Variants in SRRT observed in about 807,000 individuals in gnomAD.
SRRT encodes serrate RNA effector molecule homolog.
SRRT carries 32 observed loss-of-function variants against 103.2 expected under a neutral mutation model. The observed-to-expected ratio is 0.31, with a 90% CI of 0.23 to 0.42. The LOEUF (loss-of-function observed/expected upper bound fraction) is 0.42. Among genes scored for constraint, SRRT ranks in the 10% least tolerant of loss-of-function variants. The probability of loss-of-function intolerance (pLI) is 1.00; values close to 1 mark genes in which losing one functional copy is unlikely to be tolerated. For synonymous variants in SRRT, 525 were observed against 449.0 expected (o/e 1.17, Z -2.14); for missense variants, 986 against 1,207.5 (o/e 0.82, Z 2.72).
At position 100,888,561 on chromosome 7, in the gene SRRT, T is replaced by C; in HGVS notation, c.*12T>C. On this transcript the variant is annotated 3_prime_UTR_variant, in exon 20 of 20. Coordinates refer to ENST00000611405, the MANE Select transcript of SRRT (RefSeq NM_015908.6). ...TTGATTTCTTTTGAGCCGTCCCCCGTTCCTCAGTCCTGTATCATCCATACT... is the reference window on the plus strand; with the variant it reads ...TTGATTTCTTTTGAGCCGTCCCCCGCTCCTCAGTCCTGTATCATCCATACT... 2 of 1,614,102 alleles carry C rather than the reference T, an allele frequency of 1.2e-6. No homozygotes were observed. Among genetic ancestry groups the C allele is most frequent in the Non-Finnish European group, 1.7e-6 (2 of 1,179,966 alleles).
intron 2 of SRRT, among the ~76,000 whole-genome samples, chr7:100,879,146 G>A (rs904316675): frequency 1.8e-4 from 28 of 152,134 alleles, no homozygotes; most frequent in African/African-American, 6.8e-4. Flanking sequence ...AGCAGAGACA[G>A]GGTTTTGCCA....
chr7:100,884,018 G>C, intron 5 of SRRT, 52 bp from the exon 6 acceptor site: 1 of 1,523,890 alleles, frequency 6.6e-7, no homozygotes, highest in Non-Finnish European at 8.8e-7. Context: ...CCACATCCTG[G>C]CCTTGGCTTC....
rs1426783691 is a variant in SRRT at position 100,886,236 on chromosome 7, C to G, written c.1459-11C>G. On this transcript the variant is annotated splice_polypyrimidine_tract_variant and intron_variant, in intron 12 of 19. Coordinates refer to ENST00000611405, the MANE Select transcript of SRRT (RefSeq NM_015908.6). The stretch of plus-strand genomic sequence containing the variant: ...AAGTGGGGTAAGCTGCTGATGATGT[C>G]TGCCCTCCAGCTCCGGGAGTGTGAG... 1 of 1,607,494 alleles carries G rather than the reference C, an allele frequency of 6.2e-7. No individual in the cohort carries two copies. The highest frequency in any genetic ancestry group is 1.1e-5 in the South Asian group (1 of 90,594).
At position 100,885,792 on chromosome 7, in the gene SRRT, G is replaced by C. The variant is rs199885590; in HGVS notation, c.1379+30G>C. On this transcript the variant is annotated intron_variant, in intron 11 of 19. Coordinates refer to ENST00000611405, the MANE Select transcript of SRRT (RefSeq NM_015908.6). This position sits in a 1 kb window ranked among gnomAD's most constrained non-coding sequence, Gnocchi z 4.8. Reference sequence around the variant, plus strand: ...GTAACTCGGTGCGTTGGAGGGAAAAGTGCAGGGGAACGTTAATGGCCAACA... The same window carrying C: ...GTAACTCGGTGCGTTGGAGGGAAAACTGCAGGGGAACGTTAATGGCCAACA... 1.2e-4 allele frequency: 199 copies of C among 1,614,032 alleles called. 1 individual carries two copies. In the African/African-American group the frequency reaches 2.5e-3, roughly 20 times the overall value.
At chr7:100,878,928 CCTTTCTTTCTTTTTCTTTCTTTT>C (rs1816018026) in intron 2 of SRRT, among the ~76,000 whole-genome samples, 2 of 150,848 alleles carry the variant, frequency 1.3e-5, no homozygotes, top group Admixed American at 6.9e-5. Context: ...TCTTTTCCTT[CCTTTCTTTCTTTTTCTTTCTTTT>C]CTTTCTTTCT....
chr7:100,885,016 G>C lies in SRRT; in HGVS notation c.1135G>C (p.Ala379Pro). Residue 379 changes from alanine (A) to proline (P), a missense_variant, in exon 9 of 20, where the codon GCT (alanine) becomes CCT (proline). Ala to Pro is a conservative substitution (Grantham distance 27). Around this residue, in one of 6 missense-constraint regions of SRRT, gnomAD observed 166 missense variants for 148.6 expected, o/e 1.12. Transcript: ENST00000611405. This position sits in a 1 kb window ranked among gnomAD's most constrained non-coding sequence, Gnocchi z 4.8. ...ESESESESGQ[A>P]EEEKEEAEEA... The stretch of plus-strand genomic sequence containing the variant: ...TGAGTCGGAGTCAGAGAGCGGCCAG[G>C]CTGAGGAGGAGAAGGAGGAGGCCGG... 6.2e-7 allele frequency: 1 copy of C among 1,614,034 alleles called. No homozygotes were observed. Among genetic ancestry groups the C allele is most frequent in the South Asian group, 1.1e-5 (1 of 91,076 alleles).
At position 100,888,178 on chromosome 7, in the gene SRRT, G is replaced by A. The variant is rs764982562; in HGVS notation, c.2428+35G>A. On this transcript the variant is annotated intron_variant, in intron 18 of 19. Transcript: ENST00000611405. ...GGAGGGAGATGAAGGGGCTTGGTGA[G>A]TGTGTGGCTTTGGGAGAAGAAAACA... The A allele has an allele frequency of 1.9e-6, 3 of 1,602,544 alleles. No homozygotes were observed. In the South Asian group the frequency reaches 3.3e-5, roughly 18 times the overall value.
rs201913799 is a variant in SRRT, at chr7:100,875,728, C to T, written c.122+16C>T. 3.1e-6 allele frequency: 5 copies of T among 1,613,114 alleles called. No homozygotes were observed. In the East Asian group the frequency reaches 8.9e-5, roughly 29 times the overall value. Reference sequence around the variant, plus strand: ...GGAATGACAGGTGAGCCGTTTTTAACTTCATCTTGTCCCCGTTTCATGCCG... The same window carrying T: ...GGAATGACAGGTGAGCCGTTTTTAATTTCATCTTGTCCCCGTTTCATGCCG... On this transcript the variant is annotated intron_variant, in intron 2 of 19. Transcript: ENST00000611405.
chr7:100,887,183 G>C lies in SRRT; in HGVS notation c.1958G>C (p.Arg653Pro). Residue 653 changes from arginine (R) to proline (P), a missense_variant, in exon 15 of 20, where the codon CGC (arginine) becomes CCC (proline). Around this residue, in one of 6 missense-constraint regions of SRRT, gnomAD observed 349 missense variants for 446.9 expected, o/e 0.78. Transcript: ENST00000611405. The surrounding 1 kb of genome is among the most constrained non-coding windows in gnomAD (Gnocchi z 4.1). ...IHVRGPMPPN[R>P]ISHGEVLEWQ... ...GTTCGGGGGCCCATGCCACCCAACCGCATCAGTCACGGGGAAGGTGAGCTC... is the reference window on the plus strand; with the variant it reads ...GTTCGGGGGCCCATGCCACCCAACCCCATCAGTCACGGGGAAGGTGAGCTC... 2 of 1,614,128 alleles carry C rather than the reference G, an allele frequency of 1.2e-6. No homozygotes were observed. Among genetic ancestry groups the C allele is most frequent in the Non-Finnish European group, 1.7e-6 (2 of 1,180,020 alleles).
chr7:100,877,194 G>T (rs555470913), intron 2 of SRRT, among the ~76,000 whole-genome samples: 1 of 151,262 alleles, frequency 6.6e-6, no homozygotes, highest in Non-Finnish European at 1.5e-5. Context: ...AGGCCGAGAC[G>T]GGCAGATCAC....
intron 2 of SRRT, among the ~76,000 whole-genome samples, chr7:100,876,491 C>G (rs1485931242): frequency 6.6e-6 from 1 of 152,024 alleles, no homozygotes; most frequent in East Asian, 1.9e-4. Flanking sequence ...CTCTGTTGCC[C>G]AGGTTGTAAA....
rs1448410132 is a variant in SRRT, at chr7:100,882,308, A to T, written c.587+67A>T. ...CCCCTGGCCCCGCTGGTGGAGCCAC[A>T]GCCCTGTCCTCTTCCCAGTTTTCCC... On this transcript the variant is annotated intron_variant, in intron 5 of 19. Transcript: ENST00000611405. The surrounding 1 kb of genome is among the most constrained non-coding windows in gnomAD (Gnocchi z 4.2). 5 of 1,521,958 alleles carry T rather than the reference A, an allele frequency of 3.3e-6. No homozygotes were observed. 94.3% of individuals were successfully genotyped at this position (1,521,958 alleles called of 1,614,324 possible).
In SRRT at chr7:100,885,060, T is replaced by C; in HGVS notation, c.1159+20T>C. On this transcript the variant is annotated intron_variant, in intron 9 of 19. Transcript: ENST00000611405. The surrounding 1 kb of genome is among the most constrained non-coding windows in gnomAD (Gnocchi z 4.8). ...AGGCCGGTAGGGTTTCTTTTCTGCT[T>C]TAAAGTGCGTTCTCCTAATGCGGGT... 1 of 1,613,404 alleles carries C rather than the reference T, an allele frequency of 6.2e-7. No individual in the cohort carries two copies. The highest frequency in any genetic ancestry group is 8.5e-7 in the Non-Finnish European group (1 of 1,179,946).
At position 100,888,577 on chromosome 7, in the gene SRRT, C is replaced by A; in HGVS notation, c.*28C>A. On this transcript the variant is annotated 3_prime_UTR_variant, in exon 20 of 20. Transcript: ENST00000611405. The stretch of plus-strand genomic sequence containing the variant: ...CGTCCCCCGTTCCTCAGTCCTGTAT[C>A]ATCCATACTTGTACTACCTTGTCCT... 6.2e-7 allele frequency: 1 copy of A among 1,613,502 alleles called. No homozygotes were observed. The highest frequency in any genetic ancestry group is 8.5e-7 in the Non-Finnish European group (1 of 1,179,422).
Position 100,885,222 on chromosome 7 carries a change from TCAAGGA to T in SRRT, c.1170_1175del (p.Glu394_Lys395del). The T allele has an allele frequency of 6.2e-7, 1 of 1,613,676 alleles. No homozygotes were observed. The highest frequency in any genetic ancestry group is 8.5e-7 in the Non-Finnish European group (1 of 1,179,882). On this transcript the variant is annotated inframe_deletion, in exon 10 of 20. Transcript: ENST00000611405. The surrounding 1 kb of genome is among the most constrained non-coding windows in gnomAD (Gnocchi z 4.8). Reference sequence around the variant, plus strand: ...CCCCCTTCCTGCCTAGAAGAAGCGCTCAAGGAGAAGGAGAAGCCCAAGGAAGAAGAA... The same window carrying T: ...CCCCCTTCCTGCCTAGAAGAAGCGCTGAAGGAGAAGCCCAAGGAAGAAGAA...
chr7:100,876,270 G>A (rs1815698994), intron 2 of SRRT, among the ~76,000 whole-genome samples: 1 of 152,216 alleles, frequency 6.6e-6, no homozygotes, highest in Non-Finnish European at 1.5e-5. Context: ...TCCTGCCTCA[G>A]CCTCCCGAGT....
rs758451016 is a variant in SRRT, at chr7:100,884,570, C to T, written c.942+18C>T. On this transcript the variant is annotated intron_variant, in intron 7 of 19. Coordinates refer to ENST00000611405, the MANE Select transcript of SRRT (RefSeq NM_015908.6). ...GCAAGCAGGTCCGAGCCCTGGGTCTCCTAGTGTTGTCCCTGGCAGCCTGGG... is the reference window on the plus strand; with the variant it reads ...GCAAGCAGGTCCGAGCCCTGGGTCTTCTAGTGTTGTCCCTGGCAGCCTGGG... 23 of 1,594,236 alleles carry T rather than the reference C, an allele frequency of 1.4e-5. No individual in the cohort carries two copies. In the East Asian group the frequency reaches 2.0e-4, roughly 14 times the overall value.
intron 19 of SRRT, 31 bp downstream of exon 19, chr7:100,888,414 C>A (rs2720392): frequency 0.45 from 726,720 of 1,611,554 alleles, 172,880 homozygotes; most frequent in Non-Finnish European, 0.5. Context: ...AGCTTTGTTG[C>A]CGCCTGCAGA....
In SRRT at chr7:100,886,563, C is replaced by T. The variant is rs981584978; in HGVS notation, c.1647+128C>T. 6.5e-5 allele frequency: 69 copies of T among 1,068,646 alleles called. No individual in the cohort carries two copies. In the Admixed American group the frequency reaches 6.7e-4, roughly 10 times the overall value. The allele number at this position is 1,068,646 out of a possible 1,614,324, so 66.2% of individuals were successfully genotyped here. A position where few individuals can be genotyped will look rare whatever the true frequency, so the allele number is the denominator to read the frequency against. On this transcript the variant is annotated intron_variant, in intron 13 of 19. Transcript: ENST00000611405. ...TCGCCTGCTCACTCATTTGCCCCTT[C>T]GTGTGTGGGTAGCAGCACCTCCAGA... is the stretch of plus-strand genomic sequence containing the variant.
Sources: gnomAD v4.1 joint callset for allele counts (sites outside exome capture counted in the v4.1 genomes callset) on GRCh38, gnomAD v4.1.1 for gene constraint, gnomAD v4.1.1 regional missense constraint, Gnocchi (gnomAD v3.1) non-coding constraint, MANE v1.5 for transcripts, NCBI Gene and HGNC (gene_info 2026-07-23, HGNC 2026-07-21) for gene names.